Variants in TM9SF3 observed in about 807,000 individuals in gnomAD.
TM9SF3 encodes SM-11044-binding protein.
A neutral mutation model predicts 78.6 loss-of-function variants in TM9SF3; 14 were observed. That is an observed-to-expected ratio of 0.18 (90% CI 0.12 to 0.28). The LOEUF (loss-of-function observed/expected upper bound fraction) is 0.28, where lower values mean the gene tolerates loss of function less well. Among genes scored for constraint, TM9SF3 ranks in the 10% least tolerant of loss-of-function variants. The pLI, the probability that TM9SF3 is intolerant of heterozygous loss-of-function variation, is 1.00. For synonymous variants in TM9SF3, 231 were observed against 241.7 expected (o/e 0.96, Z 0.41); for missense variants, 496 against 721.9 (o/e 0.69, Z 3.59).
intron 10 of TM9SF3, among the ~76,000 whole-genome samples, chr10:96,531,932 T>C (rs1341651184): frequency 1.3e-5 from 2 of 152,080 alleles, no homozygotes; most frequent in African/African-American, 4.8e-5. Flanking sequence ...AACTACAGGC[T>C]GGGCGTGGTG....
At chr10:96,582,846 G>A (rs1287937489) in intron 1 of TM9SF3, among the ~76,000 whole-genome samples, 2 of 151,996 alleles carry the variant, frequency 1.3e-5, no homozygotes, top group African/African-American at 4.8e-5. Flanking sequence ...TTGGGAGGCC[G>A]AGGCAGGCGG....
intron 2 of TM9SF3, among the ~76,000 whole-genome samples, chr10:96,573,243 T>C (rs1370224428): frequency 6.6e-6 from 1 of 152,230 alleles, no homozygotes; most frequent in Admixed American, 6.5e-5. Flanking sequence ...CGATACACCA[T>C]GGATAAATCA....
intron 1 of TM9SF3, among the ~76,000 whole-genome samples, chr10:96,585,333 A>G (rs894156264): frequency 6.6e-6 from 1 of 152,228 alleles, no homozygotes; most frequent in Admixed American, 6.5e-5. Context: ...ACCCAAATCT[A>G]TACATGGTCC....
chr10:96,566,921 A>G lies in TM9SF3; in HGVS notation c.299-1495T>C, dbSNP rs561920474. On this transcript the variant is annotated intron_variant, in intron 2 of 14. Transcript: ENST00000371142. ...GAAGGTCCAGGCTTAAGGGACAACA[A>G]ATGGCCACAGTGGCAGTAGGGTACC... Among the ~76,000 whole-genome samples, 20 of 152,282 alleles carry G rather than the reference A, an allele frequency of 1.3e-4. No homozygotes were observed. In the South Asian group the frequency reaches 4.2e-3, roughly 32 times the overall value.
At chr10:96,582,215 G>A (rs964085805) in intron 1 of TM9SF3, among the ~76,000 whole-genome samples, 4 of 152,148 alleles carry the variant, frequency 2.6e-5, no homozygotes, top group African/African-American at 9.7e-5. Context: ...GTGCCCCTAA[G>A]TACTGGGTTT....
intron 3 of TM9SF3, among the ~76,000 whole-genome samples, chr10:96,564,202 G>A (rs565613240): frequency 1.3e-5 from 2 of 151,678 alleles, no homozygotes; most frequent in East Asian, 3.9e-4. Context: ...CAAGGGAGAA[G>A]GATCACTTAA....
chr10:96,559,621 G>T, intron 5 of TM9SF3, 38 bp downstream of exon 5: 3 of 1,407,358 alleles, frequency 2.1e-6, no homozygotes, highest in Non-Finnish European at 2.9e-6. Context: ...ACGAATTGGT[G>T]CACATAATCA....
At chr10:96,551,475 T>C (rs1417488796) in intron 6 of TM9SF3, 64 bp from the exon 7 acceptor site, 34 of 1,227,004 alleles carry the variant, frequency 2.8e-5, no homozygotes, top group Non-Finnish European at 3.6e-5. Context: ...TAAAACATAG[T>C]ATGTAAAAAT....
rs569649793 is a variant in TM9SF3, at chr10:96,568,745, T to C, written c.299-3319A>G. Among the ~76,000 whole-genome samples, 50 of 152,090 alleles carry C rather than the reference T, an allele frequency of 3.3e-4. No individual in the cohort carries two copies. The South Asian group carries it at 0.01, about 31-fold the overall frequency. On this transcript the variant is annotated intron_variant, in intron 2 of 14. Transcript: ENST00000371142. ...AAAGAAATCAATATATAAAAAGTTA[T>C]AGAGAAATGGGCAGAAAGGTGAGGT...
At chr10:96,582,734 T>C (rs1471439293) in intron 1 of TM9SF3, among the ~76,000 whole-genome samples, 1 of 152,158 alleles carries the variant, frequency 6.6e-6, no homozygotes, top group Non-Finnish European at 1.5e-5. Flanking sequence ...TTCAACACTC[T>C]TCAGAGAATA....
At chr10:96,532,078 C>T (rs1399326495) in intron 10 of TM9SF3, among the ~76,000 whole-genome samples, 6 of 151,652 alleles carry the variant, frequency 4.0e-5, no homozygotes, top group Non-Finnish European at 7.4e-5. Context: ...GGCGTGGTGG[C>T]GGGCACCTGT....
At chr10:96,532,934 A>T (rs1847914305) in intron 10 of TM9SF3, 117 bp downstream of exon 10, 1 of 1,307,702 alleles carries the variant, frequency 7.6e-7, no homozygotes, top group South Asian at 1.6e-5. Context: ...CTTAGGCTCA[A>T]ACTTAAGATT....
rs61858494 is a variant in TM9SF3 at position 96,520,439 on chromosome 10, A to G, written c.*1824T>C. 32,385 of 153,608 alleles carry G rather than the reference A, an allele frequency of 0.21. 3,873 individuals carry two copies. Among genetic ancestry groups the G allele is most frequent in the Admixed American group, 0.31 (4,659 of 15,256 alleles). The allele number at this position is 153,608 out of a possible 1,614,324, so 9.5% of individuals were successfully genotyped here. A position where few individuals can be genotyped will look rare whatever the true frequency, so the allele number is the denominator to read the frequency against. On this transcript the variant is annotated 3_prime_UTR_variant, in exon 15 of 15. Coordinates refer to ENST00000371142, the MANE Select transcript of TM9SF3 (RefSeq NM_020123.4). Reference sequence around the variant, plus strand: ...ACTTACATGTCACAATATAGGATGTAGAGTCCATCAATAGATAGGTACATA... The same window carrying G: ...ACTTACATGTCACAATATAGGATGTGGAGTCCATCAATAGATAGGTACATA...
At chr10:96,562,889 C>T (rs2134151399) in intron 3 of TM9SF3, among the ~76,000 whole-genome samples, 2 of 152,308 alleles carry the variant, frequency 1.3e-5, no homozygotes, top group East Asian at 3.9e-4. Flanking sequence ...AAACAGTTCC[C>T]AATAGCTTTA....
At chr10:96,558,409 A>T (rs1848260365) in intron 5 of TM9SF3, among the ~76,000 whole-genome samples, 2 of 152,074 alleles carry the variant, frequency 1.3e-5, no homozygotes, top group Non-Finnish European at 2.9e-5. Flanking sequence ...TGGGAGGCTA[A>T]GGGCAGGTGG....
intron 12 of TM9SF3, 68 bp downstream of exon 12, chr10:96,527,963 A>G (rs1847856864): frequency 6.6e-7 from 1 of 1,508,808 alleles, no homozygotes; most frequent in Non-Finnish European, 9.0e-7. Flanking sequence ...CACTTGATAG[A>G]TTTCAAAGGA....
intron 3 of TM9SF3, among the ~76,000 whole-genome samples, chr10:96,564,922 G>A (rs1443939363): frequency 1.3e-5 from 2 of 151,790 alleles, no homozygotes; most frequent in African/African-American, 4.8e-5. Context: ...TACTACCACA[G>A]TACCAACATG....
intron 8 of TM9SF3, among the ~76,000 whole-genome samples, chr10:96,544,806 T>C (rs1848077441): frequency 6.6e-6 from 1 of 151,936 alleles, no homozygotes; most frequent in African/African-American, 2.4e-5. Flanking sequence ...TTGTGATTTT[T>C]CAGCACCCTA....
intron 2 of TM9SF3, among the ~76,000 whole-genome samples, chr10:96,571,638 A>G (rs1263213076): frequency 6.6e-6 from 1 of 152,210 alleles, no homozygotes; most frequent in Non-Finnish European, 1.5e-5. Flanking sequence ...ATAAGGCTCT[A>G]AACAGCCCTT....
Sources: allele counts gnomAD v4.1 joint callset (sites outside exome capture counted in the v4.1 genomes callset), GRCh38; gene constraint gnomAD v4.1.1; transcripts MANE v1.5; gene names NCBI Gene and HGNC (gene_info 2026-07-23, HGNC 2026-07-21).